DGKD: variants seen among roughly 807,000 people sequenced by gnomAD.
DGKD encodes the protein diacylglycerol kinase delta, also known as DAG kinase delta.
In DGKD, 68 loss-of-function variants were observed where a neutral mutation model predicts 154.4. That is an observed-to-expected ratio of 0.44 (90% CI 0.36 to 0.54). DGKD has a LOEUF of 0.54. DGKD is among the 20% of genes least tolerant of loss of function. The pLI, the probability that DGKD is intolerant of heterozygous loss-of-function variation, is 0.00. For synonymous variants in DGKD, 693 were observed against 638.0 expected (o/e 1.09, Z -1.30); for missense variants, 1,343 against 1,593.6 (o/e 0.84, Z 2.68).
At chr2:233,444,104 T>C (rs1188689491) in intron 10 of DGKD, among the ~76,000 whole-genome samples, 1 of 152,208 alleles carries the variant, frequency 6.6e-6, no homozygotes, top group Non-Finnish European at 1.5e-5. Flanking sequence ...AATTGATAGC[T>C]GAGCCTTGGG....
At chr2:233,420,051 A>G (rs191099970) in intron 3 of DGKD, among the ~76,000 whole-genome samples, 12 of 152,282 alleles carry the variant, frequency 7.9e-5, no homozygotes, top group African/African-American at 2.9e-4. Flanking sequence ...TTGAGAGACA[A>G]ATTAGGAACA....
intron 3 of DGKD, among the ~76,000 whole-genome samples, chr2:233,424,648 G>A (rs550323079): frequency 5.9e-5 from 9 of 152,292 alleles, no homozygotes; most frequent in South Asian, 4.2e-4. Flanking sequence ...GAGAGGCTGC[G>A]GGATGGAGGT....
Position 233,444,004 on chromosome 2 carries a change from C to T in DGKD, c.1195-1619C>T, listed in dbSNP as rs150827704. ...TACCCTTCCCTTAACGCTGTGTCCT[C>T]AGAGCCTTGCTGGGGCCTCTCCTCC... On this transcript the variant is annotated intron_variant, in intron 10 of 29. Coordinates refer to ENST00000264057, the MANE Select transcript of DGKD (RefSeq NM_152879.3). Among the ~76,000 whole-genome samples, 359 of 152,228 alleles carry T rather than the reference C, an allele frequency of 2.4e-3. 1 individual carries two copies. Among genetic ancestry groups the T allele is most frequent in the African/African-American group, 8.5e-3 (355 of 41,524 alleles).
chr2:233,407,896 G>GGAT (rs1210961605), intron 3 of DGKD, among the ~76,000 whole-genome samples: 1 of 152,220 alleles, frequency 6.6e-6, no homozygotes, highest in Non-Finnish European at 1.5e-5. Flanking sequence ...TCAGCCCAGA[G>GGAT]GATGGTTAGG....
intron 1 of DGKD, among the ~76,000 whole-genome samples, chr2:233,355,067 C>T (rs1299815980): frequency 6.6e-6 from 1 of 152,022 alleles, no homozygotes; most frequent in Non-Finnish European, 1.5e-5. Context: ...CGGGCGTCCG[C>T]GGTCCCCAAA....
At chr2:233,417,722 C>T (rs996867175) in intron 3 of DGKD, among the ~76,000 whole-genome samples, 3 of 152,128 alleles carry the variant, frequency 2.0e-5, no homozygotes, top group Non-Finnish European at 4.4e-5. Context: ...CTAGATTAAA[C>T]ACTATTATAT....
chr2:233,459,954 C>T lies in DGKD; in HGVS notation c.2829+63C>T. 1 of 1,558,290 alleles carries T rather than the reference C, an allele frequency of 6.4e-7. No individual in the cohort carries two copies. Among genetic ancestry groups the T allele is most frequent in the East Asian group, 2.3e-5 (1 of 44,242 alleles). On this transcript the variant is annotated intron_variant, in intron 23 of 29. Coordinates refer to ENST00000264057, the MANE Select transcript of DGKD (RefSeq NM_152879.3). This position sits in a 1 kb window ranked among gnomAD's most constrained non-coding sequence, Gnocchi z 5.7. ...GGGCTCACCTGTGGGCTCTTGTGTG[C>T]ACTGTTAAGAGCTGGAGCTTTTTGT...
At chr2:233,447,958 G>T (rs1260000936) in intron 12 of DGKD, 129 bp from the exon 13 acceptor site, 15 of 1,521,116 alleles carry the variant, frequency 9.9e-6, no homozygotes, top group African/African-American at 2.7e-5. Context: ...GGGTCAGACA[G>T]TGTCTGTTAG....
intron 3 of DGKD, among the ~76,000 whole-genome samples, chr2:233,401,785 T>A (rs576300341): frequency 6.6e-6 from 1 of 151,850 alleles, no homozygotes; most frequent in South Asian, 2.1e-4. Context: ...ACAGACATGG[T>A]GGCGGGCGCC....
At chr2:233,404,636 C>G (rs2061638541) in intron 3 of DGKD, among the ~76,000 whole-genome samples, 1 of 151,868 alleles carries the variant, frequency 6.6e-6, no homozygotes, top group Non-Finnish European at 1.5e-5. Flanking sequence ...TTTGAACTTT[C>G]AGATATCCTA....
At chr2:233,456,736 C>G (rs1193487022) in intron 19 of DGKD, among the ~76,000 whole-genome samples, 163 bp from the exon 20 acceptor site, 1 of 152,152 alleles carries the variant, frequency 6.6e-6, no homozygotes, top group African/African-American at 2.4e-5. Context: ...TTATGCATAT[C>G]TGCAAAAACA....
rs1325916707 is a variant in DGKD, at chr2:233,434,881, C to G, written c.566C>G (p.Ser189Trp). 6.2e-7 allele frequency: 1 copy of G among 1,613,894 alleles called. No individual in the cohort carries two copies. The highest frequency in any genetic ancestry group is 1.1e-5 in the South Asian group (1 of 91,072). The change falls in exon 5 of 30, where the codon TCG becomes TGG. Residue 189 changes from serine to tryptophan, a missense_variant. Ser to Trp is a radical substitution (Grantham distance 177). Coordinates refer to ENST00000264057, the MANE Select transcript of DGKD (RefSeq NM_152879.3). ...VCREALSGVT[S>W]HGLSCEVCKF... ...CGTGAGGCTCTGTCTGGGGTCACGTCGCACGGGCTGTCCTGCGAGGGTACG... is the reference window on the plus strand; with the variant it reads ...CGTGAGGCTCTGTCTGGGGTCACGTGGCACGGGCTGTCCTGCGAGGGTACG...
At chr2:233,385,070 G>C (rs1239720889) in intron 1 of DGKD, among the ~76,000 whole-genome samples, 1 of 152,214 alleles carries the variant, frequency 6.6e-6, no homozygotes, top group Admixed American at 6.5e-5. Context: ...GTGTCAGAGA[G>C]GGGGCAACCT....
chr2:233,359,128 G>A (rs571781916), intron 1 of DGKD, among the ~76,000 whole-genome samples: 9 of 152,234 alleles, frequency 5.9e-5, no homozygotes, highest in East Asian at 1.9e-4. Flanking sequence ...TTTTATTGTC[G>A]GATTTCAAAG....
chr2:233,394,691 CTTTTTTTT>C (rs1162430401), intron 3 of DGKD, among the ~76,000 whole-genome samples: 1 of 26,392 alleles, frequency 3.8e-5, no homozygotes, highest in Non-Finnish European at 6.3e-5. Context: ...ATTTAATTCC[CTTTTTTTT>C]TTTTTTTTTT....
chr2:233,451,919 G>A, intron 17 of DGKD, 45 bp from the exon 18 acceptor site: 2 of 1,554,136 alleles, frequency 1.3e-6, no homozygotes, highest in African/African-American at 1.4e-5. Context: ...TCCTAAGGCT[G>A]TAGCTCCTGA....
intron 1 of DGKD, among the ~76,000 whole-genome samples, chr2:233,362,787 C>T (rs1257590889): frequency 6.6e-6 from 1 of 152,226 alleles, no homozygotes; most frequent in Non-Finnish European, 1.5e-5. Flanking sequence ...TTGTGCTCTG[C>T]ATAATGATGT....
Position 233,442,053 on chromosome 2 carries a change from A to G in DGKD, c.1194+58A>G, listed in dbSNP as rs748040666. The G allele has an allele frequency of 2.1e-6, 3 of 1,413,452 alleles. No homozygotes were observed. In the Admixed American group the frequency reaches 5.1e-5, roughly 24 times the overall value. The allele number at this position is 1,413,452 out of a possible 1,614,324, so 87.6% of individuals were successfully genotyped here. A position where few individuals can be genotyped will look rare whatever the true frequency, so the allele number is the denominator to read the frequency against. On this transcript the variant is annotated intron_variant, in intron 10 of 29. Coordinates refer to ENST00000264057, the MANE Select transcript of DGKD (RefSeq NM_152879.3). Reference sequence around the variant, plus strand: ...AGAGAGGGTGCGGAGGTTAGAGGGAAATCATGCAGTCTCAGCTCCTGTTCA... The same window carrying G: ...AGAGAGGGTGCGGAGGTTAGAGGGAGATCATGCAGTCTCAGCTCCTGTTCA...
chr2:233,380,341 A>C (rs1282212880), intron 1 of DGKD, among the ~76,000 whole-genome samples: 1 of 152,182 alleles, frequency 6.6e-6, no homozygotes, highest in Non-Finnish European at 1.5e-5. Flanking sequence ...ACAGAGCGGG[A>C]GTGAACTCAG....
Sources: allele counts gnomAD v4.1 joint callset (sites outside exome capture counted in the v4.1 genomes callset), GRCh38; gene constraint gnomAD v4.1.1; non-coding constraint Gnocchi (gnomAD v3.1); transcripts MANE v1.5; gene names NCBI Gene and HGNC (gene_info 2026-07-23, HGNC 2026-07-21).